Variants in TMEM183A observed in about 807,000 individuals in gnomAD.
TMEM183A encodes chromosome 1 open reading frame 37.
TMEM183A carries 21 observed loss-of-function variants against 46.7 expected under a neutral mutation model. That is an observed-to-expected ratio of 0.45 (90% confidence interval 0.32 to 0.65). The LOEUF (loss-of-function observed/expected upper bound fraction) is 0.65, where lower values mean the gene tolerates loss of function less well. Among genes scored for constraint, TMEM183A ranks in the 30% least tolerant of loss-of-function variants. The probability of loss-of-function intolerance (pLI) is 0.04; values close to 1 mark genes in which losing one functional copy is unlikely to be tolerated. For synonymous variants in TMEM183A, 165 were observed against 180.2 expected, an observed-to-expected ratio of 0.92 and a Z score of 0.68; for missense variants, 331 against 481.9, an observed-to-expected ratio of 0.69 and a Z score of 2.93.
At chr1:203,014,859 G>A (rs752721219) in intron 3 of TMEM183A, 30 bp from the exon 4 acceptor site, 3 of 1,612,536 alleles carry the variant, frequency 1.9e-6, no homozygotes, top group Admixed American at 3.3e-5. Flanking sequence ...TGGTGTAGAA[G>A]ATCAGAGATT....
At chr1:203,014,668 TTAAA>T (rs1558040223) in intron 3 of TMEM183A, among the ~76,000 whole-genome samples, 1 of 152,174 alleles carries the variant, frequency 6.6e-6, no homozygotes, top group South Asian at 2.1e-4. Context: ...CCAATAGTTG[TTAAA>T]TAAAGGCCTT....
intron 5 of TMEM183A, among the ~76,000 whole-genome samples, chr1:203,016,586 G>A (rs1381127260): frequency 6.6e-6 from 1 of 152,056 alleles, no homozygotes; most frequent in Non-Finnish European, 1.5e-5. Flanking sequence ...CTTTATTGTT[G>A]ACCTCCTTAA....
At position 203,015,057 on chromosome 1, in the gene TMEM183A, A is replaced by G; in HGVS notation, c.527+9A>G. 6.2e-7 allele frequency: 1 copy of G among 1,604,508 alleles called. No individual in the cohort carries two copies. ...ACCAGGTTGTACCGAAGGTGCGACC[A>G]CAGAGAGCTCACTCTTTTATCTGTG... On this transcript the variant is annotated intron_variant, in intron 4 of 7. Coordinates refer to ENST00000367242, the MANE Select transcript of TMEM183A (RefSeq NM_138391.6).
intron 3 of TMEM183A, among the ~76,000 whole-genome samples, chr1:203,012,043 G>T (rs1656652702): frequency 6.6e-6 from 1 of 150,950 alleles, no homozygotes; most frequent in South Asian, 2.1e-4. Context: ...ATCAACTCAT[G>T]GCTATTAAAA....
At position 203,016,056 on chromosome 1, in the gene TMEM183A, C is replaced by T; in HGVS notation, c.624C>T (p.Tyr208=). Residue 208 remains tyrosine (Y), a synonymous_variant, in exon 5 of 8, where the codon TAC becomes TAT. Transcript: ENST00000367242. ...GGGCTTGTGTGATCCGATCTCTGTA[C>T]CATATGTATGAGCCATTTGCTGCTC... ...CLRACVIRSL[Y]HMYEPFAARI... 6.2e-7 allele frequency: 1 copy of T among 1,614,160 alleles called. No homozygotes were observed.
In TMEM183A at chr1:203,016,801, G is replaced by A. The variant is rs543911348; in HGVS notation, c.708+661G>A. On this transcript the variant is annotated intron_variant, in intron 5 of 7. Coordinates refer to ENST00000367242, the MANE Select transcript of TMEM183A (RefSeq NM_138391.6). ...TTCACATATTTATATTCAAGTTTCT[G>A]TCATTCTTCTGATTTGTAAATATGT... Among the ~76,000 whole-genome samples, 23 of 152,164 alleles carry A rather than the reference G, an allele frequency of 1.5e-4. 1 individual carries two copies. Among genetic ancestry groups the A allele is most frequent in the Middle Eastern group, 3.4e-3 (1 of 294 alleles).
rs959107659 is a variant in TMEM183A at position 203,007,400 on chromosome 1, T to A, written c.-66T>A. The stretch of plus-strand genomic sequence containing the variant: ...TCGCGAGAGTTAGCGGCCTCCGGTG[T>A]GGGATGGCCGCGGAGCCGGGCGGAG... On this transcript the variant is annotated 5_prime_UTR_variant, in exon 1 of 8. Transcript: ENST00000367242. 1 of 1,325,408 alleles carries A rather than the reference T, an allele frequency of 7.5e-7. No individual in the cohort carries two copies. The highest frequency in any genetic ancestry group is 1.8e-5 in the South Asian group (1 of 54,278). The allele number at this position is 1,325,408 out of a possible 1,614,324, so 82.1% of individuals were successfully genotyped here.
rs368071947 is a variant in TMEM183A, at chr1:203,012,790, TG to T, written c.368-2098del. Among the ~76,000 whole-genome samples, 499 of 152,252 alleles carry T rather than the reference TG, an allele frequency of 3.3e-3. 2 individuals carry two copies. Among genetic ancestry groups the T allele is most frequent in the African/African-American group, 0.011 (474 of 41,542 alleles). ...TGTTGCCCAGGCTGGATTGCAGTGGTGCAGTCATGGCTCACCGCAGCCTCGA... is the reference window on the plus strand; with the variant it reads ...TGTTGCCCAGGCTGGATTGCAGTGGTCAGTCATGGCTCACCGCAGCCTCGA... On this transcript the variant is annotated intron_variant, in intron 3 of 7. Coordinates refer to ENST00000367242, the MANE Select transcript of TMEM183A (RefSeq NM_138391.6).
chr1:203,016,287 T>G, intron 5 of TMEM183A, 147 bp downstream of exon 5: 12 of 1,162,454 alleles, frequency 1.0e-5, no homozygotes, highest in Non-Finnish European at 1.2e-5. Context: ...CTCAGAGATT[T>G]CACTTCTCCA....
Position 203,007,767 on chromosome 1 carries a change from G to C in TMEM183A, c.110-7G>C, listed in dbSNP as rs953176917. ...CCTCTTCCTTGAGGGTTGGTGCTGTGTTGCAGTGACCGTGGCGGATTACGC... is the reference window on the plus strand; with the variant it reads ...CCTCTTCCTTGAGGGTTGGTGCTGTCTTGCAGTGACCGTGGCGGATTACGC... On this transcript the variant is annotated splice_polypyrimidine_tract_variant and splice_region_variant and intron_variant, in intron 1 of 7. Coordinates refer to ENST00000367242, the MANE Select transcript of TMEM183A (RefSeq NM_138391.6). 7 of 1,613,918 alleles carry C rather than the reference G, an allele frequency of 4.3e-6. No individual in the cohort carries two copies. In the African/African-American group the frequency reaches 9.3e-5, roughly 22 times the overall value.
In TMEM183A at chr1:203,007,588, GC is replaced by G; in HGVS notation, c.109+15del. On this transcript the variant is annotated intron_variant, in intron 1 of 7. Coordinates refer to ENST00000367242, the MANE Select transcript of TMEM183A (RefSeq NM_138391.6). ...GCTCCGGCCGAGGTGGGCGAGGGGG[GC>G]AGGGGCGCTGAAACATTTTGGGGGC... The G allele has an allele frequency of 6.5e-7, 1 of 1,541,688 alleles. No individual in the cohort carries two copies. The highest frequency in any genetic ancestry group is 1.9e-5 in the Admixed American group (1 of 51,486).
In TMEM183A at chr1:203,016,155, G is replaced by A. The variant is rs1558041772; in HGVS notation, c.708+15G>A. The A allele has an allele frequency of 1.2e-6, 2 of 1,614,058 alleles. No homozygotes were observed. The highest frequency in any genetic ancestry group is 1.7e-6 in the Non-Finnish European group (2 of 1,179,984). ...AGAATTCCAAAGTAAGTGAGAATTT[G>A]TGTTGGGGTTTGACTAATGAACTCT... On this transcript the variant is annotated intron_variant, in intron 5 of 7. Transcript: ENST00000367242.
Position 203,015,041 on chromosome 1 carries a change from T to A in TMEM183A, c.520T>A (p.Tyr174Asn). ...TCTAAFWTRLYRRHYTLDASL... is the reference protein window; with the variant it reads ...TCTAAFWTRLNRRHYTLDASL... The stretch of plus-strand genomic sequence containing the variant: ...CACTGCTGCCTTTTGGACCAGGTTG[T>A]ACCGAAGGTGCGACCACAGAGAGCT... The change falls in exon 4 of 8, where the codon TAC becomes AAC. Residue 174 changes from tyrosine to asparagine, a missense_variant. Physicochemically the swap from Tyr to Asn is moderately radical, Grantham distance 143. Transcript: ENST00000367242. 6.2e-7 allele frequency: 1 copy of A among 1,612,440 alleles called. No individual in the cohort carries two copies. Among genetic ancestry groups the A allele is most frequent in the Non-Finnish European group, 8.5e-7 (1 of 1,179,996 alleles).
At chr1:203,012,235 T>TCACTCACACACA (rs1553249496) in intron 3 of TMEM183A, among the ~76,000 whole-genome samples, 1 of 80,790 alleles carries the variant, frequency 1.2e-5, no homozygotes, top group Admixed American at 1.5e-4. Flanking sequence ...CCCCACTCCA[T>TCACTCACACACA]CACACACACA....
At chr1:203,021,497 C>G (rs1339251981) in intron 7 of TMEM183A, among the ~76,000 whole-genome samples, 4 of 152,078 alleles carry the variant, frequency 2.6e-5, no homozygotes, top group Non-Finnish European at 5.9e-5. Context: ...ACCTTGTTTC[C>G]TTCTTTGTAG....
chr1:203,008,006 G>A (rs1427442433), intron 2 of TMEM183A, 143 bp downstream of exon 2: 11 of 1,008,012 alleles, frequency 1.1e-5, no homozygotes, highest in South Asian at 1.0e-4. Context: ...TGGGGTGGAG[G>A]AGGATTAGTC....
At chr1:203,008,522 TTCTC>T in intron 2 of TMEM183A, 117 bp from the exon 3 acceptor site, 1 of 786,588 alleles carries the variant, frequency 1.3e-6, no homozygotes, top group Admixed American at 4.5e-5. Flanking sequence ...ATTCTCACCT[TTCTC>T]TCTCAACGAT....
chr1:203,011,705 G>A (rs554296310), intron 3 of TMEM183A, among the ~76,000 whole-genome samples: 63 of 152,092 alleles, frequency 4.1e-4, no homozygotes, highest in Non-Finnish European at 7.2e-4. Context: ...CACCGCACCC[G>A]GCTATCTTTT....
At chr1:203,021,189 C>G (rs566740439) in intron 7 of TMEM183A, among the ~76,000 whole-genome samples, 10 of 152,092 alleles carry the variant, frequency 6.6e-5, no homozygotes, top group Middle Eastern at 3.4e-3. Context: ...TGCACCACCA[C>G]CCCTAGCTAA....
Sources: gnomAD v4.1 joint callset for allele counts (sites outside exome capture counted in the v4.1 genomes callset) on GRCh38, gnomAD v4.1.1 for gene constraint, MANE v1.5 for transcripts, NCBI Gene and HGNC (gene_info 2026-07-23, HGNC 2026-07-21) for gene names.